EPHA3: variants seen among roughly 807,000 people sequenced by gnomAD.
EPHA3 encodes ephrin type-A receptor 3.
In EPHA3, 42 loss-of-function variants were observed where a neutral mutation model predicts 107.1. That is an observed-to-expected ratio of 0.39 (90% CI 0.31 to 0.51). The LOEUF (loss-of-function observed/expected upper bound fraction) is 0.51. EPHA3 is among the 20% of genes least tolerant of loss of function. The pLI is 0.78. For synonymous variants in EPHA3, 461 were observed against 424.8 expected, an observed-to-expected ratio of 1.09 and a Z score of -1.05; for missense variants, 1,183 against 1,211.2, an observed-to-expected ratio of 0.98 and a Z score of 0.35.
chr3:89,187,620 T>C (rs1188366298), intron 2 of EPHA3, among the ~76,000 whole-genome samples: 1 of 151,992 alleles, frequency 6.6e-6, no homozygotes, highest in Non-Finnish European at 1.5e-5. Context: ...TCTAAAAATG[T>C]CCCTCTGTTT....
At chr3:89,166,343 T>C (rs771480711) in intron 2 of EPHA3, among the ~76,000 whole-genome samples, 2 of 152,240 alleles carry the variant, frequency 1.3e-5, no homozygotes, top group African/African-American at 4.8e-5. Flanking sequence ...CCAGCACATA[T>C]ACTATCTTTT....
intron 7 of EPHA3, chr3:89,400,097 A>T (rs1022860085): frequency 7.9e-6 from 8 of 1,011,128 alleles, no homozygotes; most frequent in Non-Finnish European, 9.5e-6. Flanking sequence ...CCTTTGCTAA[A>T]ATATAATTTT....
chr3:89,154,253 T>C (rs1704747949), intron 2 of EPHA3, among the ~76,000 whole-genome samples: 2 of 151,696 alleles, frequency 1.3e-5, no homozygotes, highest in African/African-American at 4.8e-5. Flanking sequence ...GCTTCCTTGT[T>C]TTTTGGGTTT....
chr3:89,262,053 A>G (rs1187666748), intron 3 of EPHA3, among the ~76,000 whole-genome samples: 1 of 152,054 alleles, frequency 6.6e-6, no homozygotes, highest in African/African-American at 2.4e-5. Context: ...TTTAAGTCAC[A>G]ATTTTAGTTT....
intron 2 of EPHA3, among the ~76,000 whole-genome samples, chr3:89,191,489 G>A (rs866582886): frequency 1.3e-4 from 20 of 151,810 alleles, no homozygotes; most frequent in Middle Eastern, 3.2e-3. Context: ...TGTATTTTTA[G>A]TAGAGACGGG....
At chr3:89,397,274 T>G (rs1327383915) in intron 6 of EPHA3, among the ~76,000 whole-genome samples, 1 of 152,192 alleles carries the variant, frequency 6.6e-6, no homozygotes, top group Non-Finnish European at 1.5e-5. Context: ...AATTTTCTCC[T>G]AGCTTTGAGT....
At chr3:89,418,033 T>C (rs1477680980) in intron 10 of EPHA3, among the ~76,000 whole-genome samples, 1 of 151,266 alleles carries the variant, frequency 6.6e-6, no homozygotes, top group African/African-American at 2.4e-5. Context: ...ACTTTTGTGG[T>C]TCAAACCACT....
intron 13 of EPHA3, among the ~76,000 whole-genome samples, chr3:89,441,000 T>C (rs191687496): frequency 1.3e-3 from 195 of 152,340 alleles, no homozygotes; most frequent in African/African-American, 4.6e-3. Flanking sequence ...TCAGCAAAGC[T>C]GTTAAGCTGT....
chr3:89,448,627 A>T (rs1709925606), intron 13 of EPHA3, among the ~76,000 whole-genome samples: 1 of 152,192 alleles, frequency 6.6e-6, no homozygotes, highest in African/African-American at 2.4e-5. Context: ...CTTGCCTACT[A>T]TCCAGAAGAC....
chr3:89,457,646 A>T (rs1014517665), intron 15 of EPHA3, among the ~76,000 whole-genome samples: 2 of 152,166 alleles, frequency 1.3e-5, no homozygotes, highest in Non-Finnish European at 2.9e-5. Context: ...CAGGTGATGG[A>T]AGACTAAATG....
At chr3:89,370,459 A>G (rs1708276672) in intron 5 of EPHA3, among the ~76,000 whole-genome samples, 3 of 151,646 alleles carry the variant, frequency 2.0e-5, no homozygotes, top group Admixed American at 6.6e-5. Flanking sequence ...TTGAACAATG[A>G]GAACACATGG....
rs75301132 is a variant in EPHA3, at chr3:89,266,751, T to C, written c.814+56231T>C. Reference sequence around the variant, plus strand: ...ATATTTCTGTTCGGACTGTAAACAATTGGTTTTATTAAAAAATAATCATTT... The same window carrying C: ...ATATTTCTGTTCGGACTGTAAACAACTGGTTTTATTAAAAAATAATCATTT... On this transcript the variant is annotated intron_variant, in intron 3 of 16. Transcript: ENST00000336596. 1.6e-4 allele frequency among the ~76,000 whole-genome samples: 24 copies of C among 152,234 alleles called. No individual in the cohort carries two copies. The East Asian group carries it at 4.4e-3, about 28-fold the overall frequency.
At chr3:89,246,073 A>G (rs1705024637) in intron 3 of EPHA3, among the ~76,000 whole-genome samples, 1 of 152,160 alleles carries the variant, frequency 6.6e-6, no homozygotes, top group South Asian at 2.1e-4. Context: ...CTCAATTTAA[A>G]CAATAGGAAT....
At chr3:89,380,989 T>TTTTTTTTTTTTTTG (rs1708492666) in intron 5 of EPHA3, among the ~76,000 whole-genome samples, 1 of 152,024 alleles carries the variant, frequency 6.6e-6, no homozygotes, top group African/African-American at 2.4e-5. Flanking sequence ...GTTTCTTTTT[T>TTTTTTTTTTTTTTG]TGAGACAGAG....
intron 3 of EPHA3, among the ~76,000 whole-genome samples, chr3:89,237,419 A>G (rs1427770924): frequency 6.6e-6 from 1 of 152,210 alleles, no homozygotes; most frequent in Non-Finnish European, 1.5e-5. Flanking sequence ...ACATGAGCCA[A>G]TTTCACAAAC....
At chr3:89,172,808 A>G (rs1232201860) in intron 2 of EPHA3, among the ~76,000 whole-genome samples, 4 of 152,200 alleles carry the variant, frequency 2.6e-5, no homozygotes, top group Non-Finnish European at 5.9e-5. Flanking sequence ...TGCATGTCAT[A>G]GGTATAGAAT....
At position 89,209,786 on chromosome 3, in the gene EPHA3, C is replaced by T. The variant is rs549096594; in HGVS notation, c.154-74C>T. ...ATGATGATTTATTATATAGAGATGG[C>T]TCTGACACCCTTATGTTGTATTCGT... On this transcript the variant is annotated intron_variant, in intron 2 of 16. Transcript: ENST00000336596. The T allele has an allele frequency of 2.5e-4, 310 of 1,259,776 alleles. 1 individual carries two copies. The highest frequency in any genetic ancestry group is 4.6e-4 in the Admixed American group (17 of 37,266). The allele number at this position is 1,259,776 out of a possible 1,614,324, so 78.0% of individuals were successfully genotyped here.
intron 2 of EPHA3, among the ~76,000 whole-genome samples, chr3:89,190,852 T>C (rs1705696810): frequency 6.6e-6 from 1 of 152,170 alleles, no homozygotes; most frequent in Non-Finnish European, 1.5e-5. Flanking sequence ...AAATTTCCTC[T>C]TCTTATAAGG....
chr3:89,330,062 T>TA (rs1179739255), intron 3 of EPHA3, among the ~76,000 whole-genome samples: 1 of 152,038 alleles, frequency 6.6e-6, no homozygotes, highest in Admixed American at 6.6e-5. Context: ...TTAAGATATT[T>TA]AAAAAACTCA....
Sources: allele counts gnomAD v4.1 joint callset (sites outside exome capture counted in the v4.1 genomes callset), GRCh38; gene constraint gnomAD v4.1.1; transcripts MANE v1.5; gene names NCBI Gene and HGNC (gene_info 2026-07-23, HGNC 2026-07-21).